Variants in FSIP1 observed in about 807,000 individuals in gnomAD.
The protein encoded by FSIP1 is fibrous sheath-interacting protein 1.
A neutral mutation model predicts 60.9 loss-of-function variants in FSIP1; 65 were observed. That is an observed-to-expected ratio of 1.07 (90% CI 0.87 to 1.31). FSIP1 has a LOEUF of 1.31. Among genes scored for constraint, FSIP1 ranks in the 40% most tolerant of loss-of-function variants. The pLI, the probability that FSIP1 is intolerant of heterozygous loss-of-function variation, is 0.00. For synonymous variants in FSIP1, 209 were observed against 221.2 expected (o/e 0.94, Z 0.49); for missense variants, 675 against 665.5 (o/e 1.01, Z -0.16).
intron 10 of FSIP1, among the ~76,000 whole-genome samples, chr15:39,668,251 T>C (rs1158794536): frequency 6.6e-6 from 1 of 151,742 alleles, no homozygotes; most frequent in Non-Finnish European, 1.5e-5. Flanking sequence ...CATGAATATT[T>C]GTTGATTCAG....
chr15:39,724,678 A>G lies in FSIP1; in HGVS notation c.1050+1911T>C, dbSNP rs575940037. Among the ~76,000 whole-genome samples, 4 of 152,310 alleles carry G rather than the reference A, an allele frequency of 2.6e-5. No individual in the cohort carries two copies. The South Asian group carries it at 8.3e-4, about 32-fold the overall frequency. Reference sequence around the variant, plus strand: ...CATGTTATATTTTTGCCAAAAATACATCTTTTGGATGGCTATATCAGTGCC... The same window carrying G: ...CATGTTATATTTTTGCCAAAAATACGTCTTTTGGATGGCTATATCAGTGCC... On this transcript the variant is annotated intron_variant, in intron 9 of 11. Transcript: ENST00000350221.
intron 6 of FSIP1, 30 bp from the exon 7 acceptor site, chr15:39,739,819 A>G (rs1183485898): frequency 1.4e-6 from 2 of 1,428,242 alleles, no homozygotes; most frequent in Admixed American, 2.5e-5. Context: ...AAATTTTTTC[A>G]TAATTAAAAG....
At chr15:39,735,120 T>G (rs1404156900) in intron 8 of FSIP1, among the ~76,000 whole-genome samples, 1 of 152,208 alleles carries the variant, frequency 6.6e-6, no homozygotes, top group African/African-American at 2.4e-5. Context: ...GAAACCCAGA[T>G]CCCTTAATTC....
At chr15:39,769,795 A>T (rs1370972427) in intron 3 of FSIP1, among the ~76,000 whole-genome samples, 2 of 152,182 alleles carry the variant, frequency 1.3e-5, no homozygotes. Context: ...CATTGTCCTG[A>T]TTCATGATAA....
intron 10 of FSIP1, among the ~76,000 whole-genome samples, chr15:39,677,065 A>C (rs1187481152): frequency 6.6e-6 from 1 of 152,186 alleles, no homozygotes; most frequent in Non-Finnish European, 1.5e-5. Flanking sequence ...GCCCCCATAA[A>C]ACTATGGAAA....
At position 39,690,471 on chromosome 15, in the gene FSIP1, C is replaced by A. The variant is rs1044093630; in HGVS notation, c.1188+22973G>T. On this transcript the variant is annotated intron_variant, in intron 10 of 11. Coordinates refer to ENST00000350221, the MANE Select transcript of FSIP1 (RefSeq NM_152597.5). ...AGTCCAATCTCTTCTTTTCCCAGTT[C>A]ATTGGTTTTGAGACCCCATTAGTCT... Among the ~76,000 whole-genome samples the A allele has an allele frequency of 5.3e-5, 8 of 152,288 alleles. No homozygotes were observed. In the East Asian group the frequency reaches 1.5e-3, roughly 29 times the overall value.
chr15:39,737,707 G>T (rs978039686), intron 8 of FSIP1, among the ~76,000 whole-genome samples: 2 of 152,118 alleles, frequency 1.3e-5, no homozygotes, highest in Non-Finnish European at 2.9e-5. Flanking sequence ...AGGTACATGT[G>T]CAGGTTTGTT....
intron 5 of FSIP1, among the ~76,000 whole-genome samples, chr15:39,748,186 C>T (rs1290380082): frequency 6.6e-6 from 1 of 152,020 alleles, no homozygotes; most frequent in Non-Finnish European, 1.5e-5. Flanking sequence ...TTTGGTTTCA[C>T]AAATAATACG....
At chr15:39,776,252 A>G in intron 2 of FSIP1, 147 bp downstream of exon 2, 2 of 622,906 alleles carry the variant, frequency 3.2e-6, no homozygotes, top group South Asian at 5.4e-5. Flanking sequence ...ATATTAATCT[A>G]GATTAAAATC....
intron 8 of FSIP1, among the ~76,000 whole-genome samples, chr15:39,730,331 C>T (rs1896355970): frequency 6.6e-6 from 1 of 152,214 alleles, no homozygotes; most frequent in South Asian, 2.1e-4. Context: ...AATAAACACA[C>T]TTGACTTACC....
chr15:39,724,143 T>G (rs1378526498), intron 9 of FSIP1, among the ~76,000 whole-genome samples: 1 of 152,236 alleles, frequency 6.6e-6, no homozygotes, highest in East Asian at 1.9e-4. Context: ...AACAAAAATG[T>G]AAGGTACTGG....
At chr15:39,694,694 G>A (rs1264060528) in intron 10 of FSIP1, among the ~76,000 whole-genome samples, 2 of 151,976 alleles carry the variant, frequency 1.3e-5, no homozygotes, top group Admixed American at 1.3e-4. Flanking sequence ...CAGCTACTCA[G>A]GAGGCCGAGG....
intron 9 of FSIP1, 69 bp from the exon 10 acceptor site, chr15:39,713,650 C>T: frequency 7.1e-7 from 1 of 1,409,734 alleles, no homozygotes; most frequent in Non-Finnish European, 9.6e-7. Flanking sequence ...CACCTCAAAG[C>T]AACTGAGCCT....
intron 11 of FSIP1, 96 bp downstream of exon 11, chr15:39,617,639 A>G: frequency 9.6e-7 from 1 of 1,044,314 alleles, no homozygotes; most frequent in South Asian, 1.6e-5. Context: ...ACTTACAAAC[A>G]TACCTTCTTA....
chr15:39,701,350 A>G (rs1231056201), intron 10 of FSIP1, among the ~76,000 whole-genome samples: 1 of 152,056 alleles, frequency 6.6e-6, no homozygotes, highest in Non-Finnish European at 1.5e-5. Flanking sequence ...CAAAAAAATA[A>G]TATTCTTGCA....
chr15:39,751,418 AACACACACACACACACAC>A (rs3065153), intron 5 of FSIP1, among the ~76,000 whole-genome samples: 1 of 144,752 alleles, frequency 6.9e-6, no homozygotes, highest in East Asian at 2.0e-4. Context: ...GTAATACATA[AACACACACACACACACAC>A]ACACACACAC....
At chr15:39,751,355 A>C (rs896296021) in intron 5 of FSIP1, among the ~76,000 whole-genome samples, 4 of 151,906 alleles carry the variant, frequency 2.6e-5, no homozygotes, top group Non-Finnish European at 4.4e-5. Context: ...CATAATAGCC[A>C]AGATATGGAA....
intron 4 of FSIP1, among the ~76,000 whole-genome samples, chr15:39,764,924 C>T (rs567257724): frequency 1.3e-5 from 2 of 152,348 alleles, no homozygotes; most frequent in East Asian, 1.9e-4. Flanking sequence ...GATATACATA[C>T]TTGATGAAAG....
At chr15:39,633,102 T>TTTTTTTTTTTTTTTTG (rs1891974916) in intron 10 of FSIP1, among the ~76,000 whole-genome samples, 1 of 148,234 alleles carries the variant, frequency 6.7e-6, no homozygotes, top group African/African-American at 2.5e-5. Flanking sequence ...TTTTTTTTTT[T>TTTTTTTTTTTTTTTTG]TTTTTTTTTG....
Sources: gnomAD v4.1 joint callset for allele counts (sites outside exome capture counted in the v4.1 genomes callset) on GRCh38, gnomAD v4.1.1 for gene constraint, MANE v1.5 for transcripts, NCBI Gene and HGNC (gene_info 2026-07-23, HGNC 2026-07-21) for gene names.